The following AGBL1 variants were observed in gnomAD, a reference collection of about 807,000 sequenced individuals.
AGBL1 encodes the protein AGBL carboxypeptidase 1.
Under a neutral mutation model 118.9 loss-of-function variants are expected in AGBL1, and 130 were observed. That is an observed-to-expected ratio of 1.09 (90% confidence interval 0.95 to 1.26). The LOEUF (loss-of-function observed/expected upper bound fraction) is 1.26, where lower values mean the gene tolerates loss of function less well. Ranked by LOEUF, AGBL1 falls within the 50% of genes most tolerant of loss-of-function variation. AGBL1 has a pLI of 0.00. For synonymous variants in AGBL1, 555 were observed against 478.9 expected (o/e 1.16, Z -2.08); for missense variants, 1,584 against 1,298.1 (o/e 1.22, Z -3.38).
chr15:86,721,239 A>G (rs1023160467), intron 22 of AGBL1, among the ~76,000 whole-genome samples: 2 of 152,218 alleles, frequency 1.3e-5, no homozygotes, highest in East Asian at 3.8e-4. Flanking sequence ...ACATCGATGC[A>G]AAAATCCTCA....
At chr15:86,799,952 A>G (rs187311463) in intron 22 of AGBL1, among the ~76,000 whole-genome samples, 2 of 152,294 alleles carry the variant, frequency 1.3e-5, no homozygotes, top group African/African-American at 2.4e-5. Context: ...TTACCCAGGT[A>G]TAAAATGCAG....
intron 1 of AGBL1, among the ~76,000 whole-genome samples, chr15:86,086,962 T>C (rs1442808338): frequency 6.6e-6 from 1 of 152,232 alleles, no homozygotes; most frequent in African/African-American, 2.4e-5. Flanking sequence ...TATGCCTGTC[T>C]GTTGAGTATA....
At chr15:86,079,738 C>T, upstream of AGBL1, 2 of 360,494 alleles carry the variant, frequency 5.5e-6, no homozygotes, top group Non-Finnish European at 9.9e-6. Context: ...CCCAAATGCT[C>T]AGCCCTCCCC....
chr15:86,334,129 A>T (rs1022554234), intron 17 of AGBL1, among the ~76,000 whole-genome samples: 1 of 152,200 alleles, frequency 6.6e-6, no homozygotes, highest in Non-Finnish European at 1.5e-5. Context: ...CAAGATCAGG[A>T]TGCCCTCTCT....
Position 86,266,383 on chromosome 15 carries a change from AT to A in AGBL1, c.1680del (p.Phe560LeufsTer14). 1 of 1,576,702 alleles carries A rather than the reference AT, an allele frequency of 6.3e-7. No homozygotes were observed. Among genetic ancestry groups the A allele is most frequent in the Non-Finnish European group, 8.6e-7 (1 of 1,159,274 alleles). ...RKCGVQRIRI[F>X]EDIRRLIQPS... Reference sequence around the variant, plus strand: ...CAATTTTCTTTTTCAGGATCAGGATATTTGAGGATATTCGGAGGCTCATCCA... The same window carrying A: ...CAATTTTCTTTTTCAGGATCAGGATATTGAGGATATTCGGAGGCTCATCCA... On this transcript the variant is annotated frameshift_variant, in exon 12 of 23. Transcript: ENST00000614907. LOFTEE classifies it high-confidence loss of function.
chr15:86,977,933 G>T (rs2081191566), intron 23 of AGBL1, among the ~76,000 whole-genome samples: 1 of 151,950 alleles, frequency 6.6e-6, no homozygotes, highest in Admixed American at 6.6e-5. Flanking sequence ...TTCTACTCCT[G>T]AATTACTAAG....
Position 86,079,969 on chromosome 15 carries a change from A to G in AGBL1, c.-4A>G. Reference sequence around the variant, plus strand: ...GCAGCGGTTCCCTAGGACCCGAGAAAAGGATGGCCGAACAAGAAGCTAGTG... The same window carrying G: ...GCAGCGGTTCCCTAGGACCCGAGAAGAGGATGGCCGAACAAGAAGCTAGTG... On this transcript the variant is annotated 5_prime_UTR_variant, in exon 1 of 23. Transcript: ENST00000614907. The G allele has an allele frequency of 1.6e-6, 2 of 1,232,156 alleles. No individual in the cohort carries two copies. The highest frequency in any genetic ancestry group is 2.0e-6 in the Non-Finnish European group (2 of 987,988). 76.3% of individuals were successfully genotyped at this position (1,232,156 alleles called of 1,614,324 possible). A position where few individuals can be genotyped will look rare whatever the true frequency, so the allele number is the denominator to read the frequency against.
intron 23 of AGBL1, among the ~76,000 whole-genome samples, chr15:86,965,838 C>T (rs1470396550): frequency 3.9e-5 from 6 of 152,050 alleles, no homozygotes; most frequent in African/African-American, 1.2e-4. Context: ...GAACATCACA[C>T]ACCGGGGCCT....
At chr15:86,570,651 C>A (rs2083992569) in intron 21 of AGBL1, among the ~76,000 whole-genome samples, 1 of 152,180 alleles carries the variant, frequency 6.6e-6, no homozygotes, top group South Asian at 2.1e-4. Flanking sequence ...CATGTTGGAT[C>A]TAGTCGGTCT....
intron 18 of AGBL1, among the ~76,000 whole-genome samples, chr15:86,438,171 G>A (rs2082021344): frequency 6.6e-6 from 1 of 152,078 alleles, no homozygotes; most frequent in East Asian, 1.9e-4. Context: ...CTCCCAAAGT[G>A]CTGGGACAAC....
chr15:86,703,981 C>G (rs1053203287), intron 22 of AGBL1, among the ~76,000 whole-genome samples: 1 of 152,048 alleles, frequency 6.6e-6, no homozygotes. Context: ...TCAGAAATAT[C>G]ACCACACATC....
chr15:86,325,573 T>G (rs964204540), intron 17 of AGBL1, among the ~76,000 whole-genome samples: 6 of 151,796 alleles, frequency 4.0e-5, no homozygotes, highest in Non-Finnish European at 7.4e-5. Flanking sequence ...ACATGGGGAG[T>G]CTTCGCCTCT....
intron 22 of AGBL1, among the ~76,000 whole-genome samples, chr15:86,809,140 C>T (rs762758135): frequency 2.6e-5 from 4 of 152,058 alleles, no homozygotes; most frequent in Non-Finnish European, 2.9e-5. Flanking sequence ...CTAAAGTCAC[C>T]GGCTAGACAG....
intron 22 of AGBL1, among the ~76,000 whole-genome samples, chr15:86,882,415 T>C (rs2079907449): frequency 6.6e-6 from 1 of 152,138 alleles, no homozygotes; most frequent in Non-Finnish European, 1.5e-5. Context: ...TTCTATCCTT[T>C]CTGAAGTCAC....
Position 86,109,028 on chromosome 15 carries a change from T to C in AGBL1, c.51+29005T>C, listed in dbSNP as rs150943113. ...TTGAAGTGAGAATATCTATCATATT[T>C]AAGGTCCTTCTCTTTTTTGATTAAA... On this transcript the variant is annotated intron_variant, in intron 1 of 22. Coordinates refer to ENST00000614907, the MANE Select transcript of AGBL1 (RefSeq NM_001386094.1). Among the ~76,000 whole-genome samples the C allele has an allele frequency of 1.6e-4, 24 of 152,282 alleles. No homozygotes were observed. In the East Asian group the frequency reaches 4.2e-3, roughly 27 times the overall value.
At chr15:86,884,183 A>G (rs938527649) in intron 22 of AGBL1, among the ~76,000 whole-genome samples, 4 of 152,218 alleles carry the variant, frequency 2.6e-5, no homozygotes, top group Non-Finnish European at 5.9e-5. Context: ...ATTAAGTCCA[A>G]CAAAGGTTAC....
intron 6 of AGBL1, among the ~76,000 whole-genome samples, chr15:86,230,094 C>T (rs1358923233): frequency 1.3e-5 from 2 of 152,190 alleles, no homozygotes; most frequent in African/African-American, 4.8e-5. Flanking sequence ...GTTGAGACTT[C>T]TCACAGATCT....
chr15:86,328,070 A>T (rs2080212088), intron 17 of AGBL1, among the ~76,000 whole-genome samples: 1 of 152,218 alleles, frequency 6.6e-6, no homozygotes. Flanking sequence ...TGTTATTCTG[A>T]AAACAAGATG....
chr15:86,953,855 T>C (rs1415476166), intron 23 of AGBL1, among the ~76,000 whole-genome samples: 1 of 152,200 alleles, frequency 6.6e-6, no homozygotes, highest in Non-Finnish European at 1.5e-5. Context: ...TATAGAATTA[T>C]ATAATCAGCA....
Sources: gnomAD v4.1 joint callset for allele counts (sites outside exome capture counted in the v4.1 genomes callset) on GRCh38, gnomAD v4.1.1 for gene constraint, MANE v1.5 for transcripts, NCBI Gene and HGNC (gene_info 2026-07-23, HGNC 2026-07-21) for gene names.